ELAPOR2: variants seen among roughly 807,000 people sequenced by gnomAD.
ELAPOR2 encodes the protein endosome-lysosome associated apoptosis and autophagy regulator family member 2.
A neutral mutation model predicts 120.7 loss-of-function variants in ELAPOR2; 89 were observed. That is an observed-to-expected ratio of 0.74 (90% confidence interval 0.62 to 0.88). ELAPOR2 has a LOEUF of 0.88. ELAPOR2 is among the 40% of genes least tolerant of loss of function. The pLI is 0.00. For missense variants in ELAPOR2, 1,134 were observed against 1,251.6 expected, an observed-to-expected ratio of 0.91 and a Z score of 1.42; for synonymous variants, 444 against 444.9, an observed-to-expected ratio of 1.00 and a Z score of 0.03.
chr7:86,953,115 A>G (rs1341637614), intron 2 of ELAPOR2, among the ~76,000 whole-genome samples: 1 of 150,272 alleles, frequency 6.7e-6, no homozygotes, highest in Admixed American at 6.7e-5. Context: ...AAAAAAACCC[A>G]CACAATTATT....
At chr7:86,979,722 G>T (rs186107356) in intron 1 of ELAPOR2, among the ~76,000 whole-genome samples, 1 of 152,296 alleles carries the variant, frequency 6.6e-6, no homozygotes, top group African/African-American at 2.4e-5. Context: ...GGTAGTATCA[G>T]GTCAAGCCAA....
At chr7:86,988,676 T>C (rs1422079564) in intron 1 of ELAPOR2, among the ~76,000 whole-genome samples, 1 of 152,154 alleles carries the variant, frequency 6.6e-6, no homozygotes, top group Non-Finnish European at 1.5e-5. Flanking sequence ...TTAAAGACAG[T>C]TTTCAAAAAG....
chr7:86,916,260 A>T (rs1789563468), intron 12 of ELAPOR2, among the ~76,000 whole-genome samples: 1 of 152,216 alleles, frequency 6.6e-6, no homozygotes, highest in African/African-American at 2.4e-5. Flanking sequence ...TTAGAAGCAC[A>T]CTGGAGAGAG....
intron 1 of ELAPOR2, among the ~76,000 whole-genome samples, chr7:86,995,281 A>G (rs1335233135): frequency 1.3e-5 from 2 of 152,196 alleles, no homozygotes; most frequent in Non-Finnish European, 2.9e-5. Flanking sequence ...ACCAGCTGTC[A>G]GCGAACTATT....
intron 1 of ELAPOR2, among the ~76,000 whole-genome samples, chr7:86,996,486 A>T (rs867436436): frequency 1.3e-5 from 2 of 152,228 alleles, no homozygotes; most frequent in Non-Finnish European, 2.9e-5. Flanking sequence ...GGGGAACAAG[A>T]AGAGTATCAT....
intron 8 of ELAPOR2, among the ~76,000 whole-genome samples, chr7:86,930,188 T>C (rs992634595): frequency 1.1e-4 from 16 of 151,966 alleles, no homozygotes; most frequent in African/African-American, 3.9e-4. Flanking sequence ...TAAATTGTGG[T>C]GACTATACTG....
intron 15 of ELAPOR2, among the ~76,000 whole-genome samples, chr7:86,911,129 G>T (rs576023884): frequency 1.3e-5 from 2 of 152,136 alleles, no homozygotes; most frequent in African/African-American, 4.8e-5. Context: ...CAATAAGATT[G>T]TGATAGAAGT....
At chr7:86,884,262 T>C (rs1268142134) in intron 21 of ELAPOR2, among the ~76,000 whole-genome samples, 2 of 152,094 alleles carry the variant, frequency 1.3e-5, no homozygotes, top group Admixed American at 6.6e-5. Flanking sequence ...GACTGGGAAA[T>C]GGGTTAAAGA....
chr7:86,977,271 G>T (rs1448845407), intron 1 of ELAPOR2, among the ~76,000 whole-genome samples: 2 of 152,164 alleles, frequency 1.3e-5, no homozygotes, highest in Non-Finnish European at 2.9e-5. Flanking sequence ...ATTTATAGGG[G>T]TTCTGGGATT....
intron 2 of ELAPOR2, among the ~76,000 whole-genome samples, chr7:86,962,543 G>A (rs1196827188): frequency 6.6e-6 from 1 of 152,148 alleles, no homozygotes; most frequent in South Asian, 2.1e-4. Flanking sequence ...TGCTATCTTC[G>A]AGTGGCAGGT....
rs1793439143 is a variant in ELAPOR2, at chr7:87,005,386, T to C, written c.190-40362A>G. Among the ~76,000 whole-genome samples, 2 of 152,240 alleles carry C rather than the reference T, an allele frequency of 1.3e-5. 1 individual carries two copies. The highest frequency in any genetic ancestry group is 1.3e-4 in the Admixed American group (2 of 15,282). ...CTTCTATATTGGCAAAAGGACAATG[T>C]TGAGAGAAGAAAATGGCATATGTGC... On this transcript the variant is annotated intron_variant, in intron 1 of 21. Transcript: ENST00000450689.
At chr7:87,031,071 T>A (rs979465688) in intron 1 of ELAPOR2, among the ~76,000 whole-genome samples, 2 of 152,118 alleles carry the variant, frequency 1.3e-5, no homozygotes, top group Non-Finnish European at 2.9e-5. Context: ...ACCCCCATGA[T>A]TCAATTATCT....
rs758175071 is a variant in ELAPOR2 at position 86,880,455 on chromosome 7, C to T, written c.*16G>A. 1.9e-6 allele frequency: 3 copies of T among 1,590,164 alleles called. No homozygotes were observed. In the African/African-American group the frequency reaches 4.0e-5, roughly 21 times the overall value. On this transcript the variant is annotated 3_prime_UTR_variant, in exon 22 of 22. Coordinates refer to ENST00000450689, the MANE Select transcript of ELAPOR2 (RefSeq NM_001142749.3). Reference sequence around the variant, plus strand: ...GTTTCTTTGTTCATTAGTCTCAAGGCTACAGCACTGTCTCTTCATATATTT... The same window carrying T: ...GTTTCTTTGTTCATTAGTCTCAAGGTTACAGCACTGTCTCTTCATATATTT...
chr7:87,024,001 T>G (rs987750555), intron 1 of ELAPOR2, among the ~76,000 whole-genome samples: 3 of 152,202 alleles, frequency 2.0e-5, no homozygotes, highest in Non-Finnish European at 2.9e-5. Flanking sequence ...TACAATCATG[T>G]CATCCGCAAA....
intron 2 of ELAPOR2, among the ~76,000 whole-genome samples, chr7:86,955,391 T>A (rs1487107198): frequency 1.3e-5 from 2 of 152,122 alleles, no homozygotes; most frequent in African/African-American, 4.8e-5. Flanking sequence ...ATTGGGAATT[T>A]TTTTTTTATC....
chr7:86,900,220 A>G (rs907924323), intron 18 of ELAPOR2, among the ~76,000 whole-genome samples: 1 of 151,834 alleles, frequency 6.6e-6, no homozygotes, highest in South Asian at 2.1e-4. Flanking sequence ...AGAAAAATGA[A>G]CTCAATAAAT....
intron 18 of ELAPOR2, among the ~76,000 whole-genome samples, chr7:86,902,514 G>T (rs941474613): frequency 6.6e-6 from 1 of 152,110 alleles, no homozygotes; most frequent in Non-Finnish European, 1.5e-5. Context: ...TCATTTATGT[G>T]GGGAGAGCCA....
intron 1 of ELAPOR2, among the ~76,000 whole-genome samples, chr7:86,967,337 C>T (rs1014515292): frequency 6.6e-6 from 1 of 152,136 alleles, no homozygotes; most frequent in East Asian, 1.9e-4. Context: ...GTGTGCGCTT[C>T]CCAGCTACTT....
chr7:86,964,817 T>C, intron 2 of ELAPOR2, 87 bp downstream of exon 2: 1 of 1,431,770 alleles, frequency 7.0e-7, no homozygotes, highest in Non-Finnish European at 9.5e-7. Flanking sequence ...TAAGGTCTCC[T>C]ACATTCATTA....
Sources: allele counts gnomAD v4.1 joint callset (sites outside exome capture counted in the v4.1 genomes callset), GRCh38; gene constraint gnomAD v4.1.1; transcripts MANE v1.5; gene names NCBI Gene and HGNC (gene_info 2026-07-23, HGNC 2026-07-21).